MTMR3: variants seen among roughly 807,000 people sequenced by gnomAD.
MTMR3 encodes the protein myotubularin related protein 3.
A neutral mutation model predicts 132.4 loss-of-function variants in MTMR3; 32 were observed. That is an observed-to-expected ratio of 0.24 (90% CI 0.18 to 0.32). MTMR3 has a LOEUF of 0.32. Ranked by LOEUF, MTMR3 falls within the 10% of genes least tolerant of loss-of-function variation. The probability of loss-of-function intolerance (pLI) is 1.00; values close to 1 mark genes in which losing one functional copy is unlikely to be tolerated. For synonymous variants in MTMR3, 556 were observed against 550.3 expected, an observed-to-expected ratio of 1.01 and a Z score of -0.14; for missense variants, 1,216 against 1,489.6, an observed-to-expected ratio of 0.82 and a Z score of 3.02.
rs1424871303 is a variant in MTMR3, at chr22:29,903,341, C to T, written c.-138+19982C>T. ...ACTACAGAGGCCATAGGTGGTTTGA[C>T]GTTTCAGAGAATAGCAGTGTTTTTG... On this transcript the variant is annotated intron_variant, in intron 1 of 19. Transcript: ENST00000401950. Among the ~76,000 whole-genome samples the T allele has an allele frequency of 7.3e-5, 11 of 151,620 alleles. No homozygotes were observed. The East Asian group carries it at 1.2e-3, about 16-fold the overall frequency.
At chr22:29,956,635 A>G (rs1308293353) in intron 1 of MTMR3, among the ~76,000 whole-genome samples, 1 of 152,198 alleles carries the variant, frequency 6.6e-6, no homozygotes, top group Non-Finnish European at 1.5e-5. Flanking sequence ...ATGTGTACAA[A>G]ACACCTTAAA....
At chr22:30,024,053 G>C (rs956999161) in intron 19 of MTMR3, 2 of 152,870 alleles carry the variant, frequency 1.3e-5, no homozygotes, top group African/African-American at 4.8e-5. Context: ...CTAGCACTTT[G>C]GGAGGCCGAG....
intron 1 of MTMR3, among the ~76,000 whole-genome samples, chr22:29,936,920 T>G (rs2145802341): frequency 6.6e-6 from 1 of 152,190 alleles, no homozygotes; most frequent in African/African-American, 2.4e-5. Flanking sequence ...GATGGTTAGG[T>G]TTTTTCGTAT....
At chr22:30,006,720 G>C (rs1292932454) in intron 9 of MTMR3, 1 of 183,052 alleles carries the variant, frequency 5.5e-6, no homozygotes, top group Non-Finnish European at 1.2e-5. Context: ...ACCATGCCTG[G>C]CTAATTTGTA....
At chr22:29,945,159 C>T (rs1218650596) in intron 1 of MTMR3, among the ~76,000 whole-genome samples, 1 of 152,104 alleles carries the variant, frequency 6.6e-6, no homozygotes, top group Non-Finnish European at 1.5e-5. Flanking sequence ...GCCACAGGCA[C>T]GTGCCATGAG....
chr22:29,982,175 C>G (rs2066759577), intron 5 of MTMR3: 1 of 135,170 alleles, frequency 7.4e-6, no homozygotes, highest in Non-Finnish European at 1.5e-5. Flanking sequence ...TGCCATTGCA[C>G]TCCAGCCTGG....
intron 17 of MTMR3, 153 bp downstream of exon 17, chr22:30,021,037 C>G: frequency 1.3e-6 from 1 of 763,832 alleles, no homozygotes; most frequent in South Asian, 1.9e-5. Context: ...GGAGATGAGC[C>G]TCCACGACAG....
At chr22:29,916,565 G>GTAC (rs2065312083) in intron 1 of MTMR3, among the ~76,000 whole-genome samples, 1 of 16,270 alleles carries the variant, frequency 6.1e-5, no homozygotes, top group Non-Finnish European at 9.6e-5. Context: ...TCACAGTTCG[G>GTAC]TGCTATTGTT....
chr22:29,912,062 AGAGGT>A (rs1488805190), intron 1 of MTMR3, among the ~76,000 whole-genome samples: 8 of 152,152 alleles, frequency 5.3e-5, no homozygotes, highest in Non-Finnish European at 1.2e-4. Flanking sequence ...GAGGAAATGA[AGAGGT>A]GAGGTATGTA....
chr22:29,893,867 A>G (rs1312784841), intron 1 of MTMR3, among the ~76,000 whole-genome samples: 3 of 152,028 alleles, frequency 2.0e-5, no homozygotes. Flanking sequence ...ATTTTTTAAG[A>G]CGGAGTCTCA....
intron 1 of MTMR3, among the ~76,000 whole-genome samples, chr22:29,885,300 A>G (rs2064651379): frequency 6.6e-6 from 1 of 152,220 alleles, no homozygotes; most frequent in Non-Finnish European, 1.5e-5. Flanking sequence ...CCCATTAATT[A>G]TGACTTCTCA....
At chr22:29,949,557 A>T (rs928772174) in intron 1 of MTMR3, among the ~76,000 whole-genome samples, 6 of 146,256 alleles carry the variant, frequency 4.1e-5, no homozygotes, top group African/African-American at 1.5e-4. Context: ...AAAAACACAC[A>T]CATTCCACAT....
At chr22:29,910,201 A>T (rs973795162) in intron 1 of MTMR3, among the ~76,000 whole-genome samples, 4 of 152,050 alleles carry the variant, frequency 2.6e-5, no homozygotes, top group African/African-American at 9.7e-5. Flanking sequence ...TCTGTGTTTT[A>T]TAGGTACCCA....
At chr22:29,917,046 G>A (rs968032907) in intron 1 of MTMR3, among the ~76,000 whole-genome samples, 1 of 152,150 alleles carries the variant, frequency 6.6e-6, no homozygotes, top group Non-Finnish European at 1.5e-5. Flanking sequence ...ATTCTGTATT[G>A]GCTCCCACCA....
At chr22:29,927,274 T>C (rs1459196216) in intron 1 of MTMR3, among the ~76,000 whole-genome samples, 3 of 152,260 alleles carry the variant, frequency 2.0e-5, no homozygotes, top group Non-Finnish European at 4.4e-5. Context: ...TACAAAGATA[T>C]ACTTGAGAAG....
rs763702208 is a variant in MTMR3 at position 30,019,578 on chromosome 22, A to T, written c.1919A>T (p.Lys640Met). The T allele has an allele frequency of 3.1e-6, 5 of 1,613,902 alleles. No homozygotes were observed. Among genetic ancestry groups the T allele is most frequent in the South Asian group, 1.1e-5 (1 of 91,090 alleles). ...RRCSDPSLNE[K>M]WQEHRRSLEL... ...TGCAGCGACCCCAGCCTGAACGAGA[A>T]GTGGCAGGAGCACCGGCGCTCACTA... The change falls in exon 17 of 20, where the codon AAG becomes ATG. Residue 640 changes from lysine (K) to methionine (M), a missense_variant. Coordinates refer to ENST00000401950, the MANE Select transcript of MTMR3 (RefSeq NM_021090.4).
In MTMR3 at chr22:29,892,891, A is replaced by G. The variant is rs192754418; in HGVS notation, c.-138+9532A>G. 2.6e-4 allele frequency among the ~76,000 whole-genome samples: 40 copies of G among 152,354 alleles called. 1 individual carries two copies. The East Asian group carries it at 7.3e-3, about 28-fold the overall frequency. ...CCTTAGGTAACATGATGTATAAGCT[A>G]CTTTCACATATATCTTCTTAGGTCA... On this transcript the variant is annotated intron_variant, in intron 1 of 19. Coordinates refer to ENST00000401950, the MANE Select transcript of MTMR3 (RefSeq NM_021090.4).
At chr22:29,976,633 G>T (rs887016577) in intron 3 of MTMR3, among the ~76,000 whole-genome samples, 2 of 152,144 alleles carry the variant, frequency 1.3e-5, no homozygotes, top group African/African-American at 4.8e-5. Context: ...TAAGGTACCA[G>T]CAGTTTTACC....
At chr22:30,015,580 C>T (rs1351442595) in intron 14 of MTMR3, 2 of 141,756 alleles carry the variant, frequency 1.4e-5, no homozygotes, top group East Asian at 4.8e-4. Flanking sequence ...TATCTAAAAC[C>T]TGGTTATTTA....
Sources: allele counts gnomAD v4.1 joint callset (sites outside exome capture counted in the v4.1 genomes callset), GRCh38; gene constraint gnomAD v4.1.1; transcripts MANE v1.5; gene names NCBI Gene and HGNC (gene_info 2026-07-23, HGNC 2026-07-21).